Variants in MGST1 observed in about 807,000 individuals in gnomAD.
MGST1 encodes glutathione S-transferase 12.
In MGST1, 5 loss-of-function variants were observed where a neutral mutation model predicts 8.9. The ratio of observed to expected loss-of-function variants is 0.56; its 90% CI spans 0.29 to 1.19. The LOEUF (loss-of-function observed/expected upper bound fraction) is 1.19. Ranked by LOEUF, MGST1 falls within the 50% of genes most tolerant of loss-of-function variation. The probability of loss-of-function intolerance (pLI) is 0.08; values close to 1 mark genes in which losing one functional copy is unlikely to be tolerated. For missense variants in MGST1, 182 were observed against 187.4 expected, an observed-to-expected ratio of 0.97 and a Z score of 0.17; for synonymous variants, 54 against 67.8, an observed-to-expected ratio of 0.80 and a Z score of 1.00.
At position 16,362,296 on chromosome 12, in the gene MGST1, A is replaced by T. The variant is rs9332939; in HGVS notation, c.222-1499A>T. ...GAGAGGGCACAGGAACACTCACACC[A>T]TCCTCTCTTTGCTTTTATTCTGTAT... is the stretch of plus-strand genomic sequence containing the variant. On this transcript the variant is annotated intron_variant, in intron 3 of 3. Transcript: ENST00000396210. This position sits in a 1 kb window ranked among gnomAD's most constrained non-coding sequence, Gnocchi z 4.4. Among the ~76,000 whole-genome samples the T allele has an allele frequency of 0.59, 90,206 of 151,904 alleles. 27,583 individuals carry two copies. The highest frequency in any genetic ancestry group is 0.96 in the East Asian group (4,908 of 5,136).
chr12:16,504,805 A>G (rs1565466006), intron 4 of MGST1, among the ~76,000 whole-genome samples: 1 of 152,184 alleles, frequency 6.6e-6, no homozygotes, highest in Non-Finnish European at 1.5e-5. Flanking sequence ...AATAATCCCC[A>G]CAAACTTGCT....
intron 4 of MGST1, among the ~76,000 whole-genome samples, chr12:16,454,293 G>A (rs1941152213): frequency 6.6e-6 from 1 of 151,866 alleles, no homozygotes; most frequent in Admixed American, 6.6e-5. Context: ...AAGATTTTAA[G>A]GTTTGGACTA....
chr12:16,430,737 T>A (rs937825139), intron 1 of MGST1, among the ~76,000 whole-genome samples: 19 of 152,188 alleles, frequency 1.2e-4, no homozygotes, highest in Non-Finnish European at 2.8e-4. Context: ...CAGAGTAGAT[T>A]TAGCATAATT....
In MGST1 at chr12:16,395,496, T is replaced by C. The variant is rs542750123; in HGVS notation, n.778+11892T>C. On this transcript the variant is annotated intron_variant and non_coding_transcript_variant, in intron 1 of 1. Transcript: ENST00000359720. ...ATGAGTAAGTTCTTTAGTGGTGATTTGTGAGATTTTGGTGTACCCATCACC... is the reference window on the plus strand; with the variant it reads ...ATGAGTAAGTTCTTTAGTGGTGATTCGTGAGATTTTGGTGTACCCATCACC... Among the ~76,000 whole-genome samples the C allele has an allele frequency of 2.2e-3, 329 of 152,182 alleles. 3 individuals are homozygous for C. Among genetic ancestry groups the C allele is most frequent in the African/African-American group, 7.5e-3 (311 of 41,512 alleles).
At chr12:16,367,160 G>A (rs1940207378), downstream of MGST1, among the ~76,000 whole-genome samples, 1 of 152,100 alleles carries the variant, frequency 6.6e-6, no homozygotes, top group Non-Finnish European at 1.5e-5. Flanking sequence ...GCAGGTGTTG[G>A]TCTACTCTTT....
At chr12:16,583,505 G>A (rs866485369) in intron 4 of MGST1, among the ~76,000 whole-genome samples, 14 of 152,250 alleles carry the variant, frequency 9.2e-5, no homozygotes, top group South Asian at 2.1e-4. Context: ...GAATACTGGA[G>A]GGAATGGAGC....
At chr12:16,493,314 G>A (rs1431234324) in intron 4 of MGST1, among the ~76,000 whole-genome samples, 2 of 152,012 alleles carry the variant, frequency 1.3e-5, no homozygotes, top group East Asian at 1.9e-4. Flanking sequence ...TGTTTTTTAC[G>A]TGCTTGTTCA....
chr12:16,581,270 G>A (rs1046304869), intron 4 of MGST1, among the ~76,000 whole-genome samples: 1 of 152,134 alleles, frequency 6.6e-6, no homozygotes, highest in African/African-American at 2.4e-5. Context: ...CAGTCACACT[G>A]TCTGGATTTG....
At chr12:16,445,401 C>T (rs910102607) in intron 4 of MGST1, among the ~76,000 whole-genome samples, 1 of 151,860 alleles carries the variant, frequency 6.6e-6, no homozygotes, top group Non-Finnish European at 1.5e-5. Context: ...GTCTCATGTG[C>T]TTTACCAAAT....
intron 1 of MGST1, among the ~76,000 whole-genome samples, chr12:16,427,142 A>G (rs1591724871): frequency 1.3e-5 from 2 of 152,178 alleles, no homozygotes; most frequent in African/African-American, 4.8e-5. Flanking sequence ...TGTTTACATT[A>G]TTCTATTAAG....
intron 3 of MGST1, among the ~76,000 whole-genome samples, chr12:16,374,426 A>G (rs1185603883): frequency 1.3e-5 from 2 of 152,252 alleles, no homozygotes; most frequent in Non-Finnish European, 2.9e-5. Flanking sequence ...ACAGTGTCTC[A>G]TTGCTCTGCC....
intron 1 of MGST1, among the ~76,000 whole-genome samples, chr12:16,434,893 T>A (rs1051532568): frequency 6.6e-6 from 1 of 152,030 alleles, no homozygotes; most frequent in Non-Finnish European, 1.5e-5. Flanking sequence ...AACAATTTTC[T>A]TATGAAATTG....
downstream of MGST1, among the ~76,000 whole-genome samples, chr12:16,366,893 G>T (rs981797175): frequency 6.6e-6 from 1 of 152,056 alleles, no homozygotes; most frequent in African/African-American, 2.4e-5. This position sits in a 1 kb window ranked among gnomAD's most constrained non-coding sequence, Gnocchi z 4.0. Flanking sequence ...TGGGAGTTTT[G>T]GGGGCAGGGT....
rs1207875585 is a variant in MGST1, at chr12:16,537,526, C to G, written n.483-52002C>G. ...CCCCACATTTCCCTTCCGCACTGCC[C>G]TAGCAGAGATTCTCCATGAGGGCCC... On this transcript the variant is annotated intron_variant and non_coding_transcript_variant, in intron 4 of 4. Transcript: ENST00000538857. This position sits in a 1 kb window ranked among gnomAD's most constrained non-coding sequence, Gnocchi z 4.6. Among the ~76,000 whole-genome samples, 1 of 152,254 alleles carries G rather than the reference C, an allele frequency of 6.6e-6. No individual in the cohort carries two copies. Among genetic ancestry groups the G allele is most frequent in the East Asian group, 1.9e-4 (1 of 5,192 alleles).
chr12:16,402,144 C>T, intron 1 of MGST1: 2 of 1,528,570 alleles, frequency 1.3e-6, no homozygotes, highest in Non-Finnish European at 1.8e-6. Flanking sequence ...ATTCTCATTG[C>T]CCTTAGTGTT....
chr12:16,529,774 T>A lies in MGST1; in HGVS notation n.483-59754T>A, dbSNP rs1292378438. On this transcript the variant is annotated intron_variant and non_coding_transcript_variant, in intron 4 of 4. Coordinates refer to the MGST1 transcript ENST00000538857. ...ACATAAATGAGTTGGCATTTATGCT[T>A]ATGGAATAAGTTAGAAATCTATAAT... Among the ~76,000 whole-genome samples, 5 of 152,250 alleles carry A rather than the reference T, an allele frequency of 3.3e-5. No individual in the cohort carries two copies. The East Asian group carries it at 9.6e-4, about 29-fold the overall frequency.
At chr12:16,352,679 C>T (rs1305603866) in intron 1 of MGST1, among the ~76,000 whole-genome samples, 2 of 152,190 alleles carry the variant, frequency 1.3e-5, no homozygotes, top group Non-Finnish European at 2.9e-5. Context: ...ATTATACTTC[C>T]AATTCCAGAC....
At chr12:16,433,763 C>T (rs1940959675) in intron 1 of MGST1, among the ~76,000 whole-genome samples, 1 of 152,084 alleles carries the variant, frequency 6.6e-6, no homozygotes, top group African/African-American at 2.4e-5. Flanking sequence ...ACACACATCA[C>T]ACATACACAT....
intron 4 of MGST1, among the ~76,000 whole-genome samples, chr12:16,484,931 T>A (rs1941389592): frequency 6.6e-6 from 1 of 152,226 alleles, no homozygotes; most frequent in Admixed American, 6.5e-5. Flanking sequence ...TAAACCCTGA[T>A]CACTATGCCC....
Sources: gnomAD v4.1 joint callset for allele counts (sites outside exome capture counted in the v4.1 genomes callset) on GRCh38, gnomAD v4.1.1 for gene constraint, Gnocchi (gnomAD v3.1) non-coding constraint, MANE v1.5 for transcripts, NCBI Gene and HGNC (gene_info 2026-07-23, HGNC 2026-07-21) for gene names.